TCF7L2: variants seen among roughly 807,000 people sequenced by gnomAD.
TCF7L2 encodes the protein transcription factor 7-like 2.
Under a neutral mutation model 77.9 loss-of-function variants are expected in TCF7L2, and 23 were observed. The observed-to-expected ratio is 0.30, with a 90% CI of 0.21 to 0.42. TCF7L2 has a LOEUF of 0.42. Among genes scored for constraint, TCF7L2 ranks in the 10% least tolerant of loss-of-function variants. The pLI, the probability that TCF7L2 is intolerant of heterozygous loss-of-function variation, is 1.00. For missense variants in TCF7L2, 654 were observed against 793.1 expected, an observed-to-expected ratio of 0.82 and a Z score of 2.11; for synonymous variants, 413 against 340.2, an observed-to-expected ratio of 1.21 and a Z score of -2.36.
At chr10:113,033,750 A>G (rs1410878834) in intron 4 of TCF7L2, among the ~76,000 whole-genome samples, 1 of 152,224 alleles carries the variant, frequency 6.6e-6, no homozygotes, top group Non-Finnish European at 1.5e-5. Flanking sequence ...TTTTCAAAAG[A>G]TGCAATTCCT....
In TCF7L2 at chr10:113,166,451, C is replaced by G. The variant is rs894797709; in HGVS notation, c.*479C>G. The G allele has an allele frequency of 1.7e-5, 3 of 174,230 alleles. No individual in the cohort carries two copies. Among genetic ancestry groups the G allele is most frequent in the Non-Finnish European group, 3.5e-5 (3 of 85,922 alleles). 10.8% of individuals were successfully genotyped at this position (174,230 alleles called of 1,614,324 possible). ...GGGCACCATGAATGCAGTGCCGTTA[C>G]TTTTTTTTTTTTTTTCTGTGTGAAA... On this transcript the variant is annotated 3_prime_UTR_variant, in exon 14 of 14. Coordinates refer to ENST00000627217, the MANE Select transcript of TCF7L2 (RefSeq NM_001146274.2).
chr10:113,102,047 G>A (rs1436760464), intron 5 of TCF7L2, among the ~76,000 whole-genome samples: 1 of 148,688 alleles, frequency 6.7e-6, no homozygotes, highest in Non-Finnish European at 1.5e-5. Flanking sequence ...GCAGGAGGCG[G>A]AGGTTGCAGT....
At chr10:113,014,879 C>T (rs1211942765) in intron 4 of TCF7L2, among the ~76,000 whole-genome samples, 1 of 152,086 alleles carries the variant, frequency 6.6e-6, no homozygotes, top group South Asian at 2.1e-4. Flanking sequence ...GTCTGGAATC[C>T]TTGGACATTA....
intron 3 of TCF7L2, among the ~76,000 whole-genome samples, chr10:112,953,386 C>T (rs1019660703): frequency 7.2e-5 from 11 of 152,136 alleles, no homozygotes; most frequent in African/African-American, 2.7e-4. Context: ...GCACAGTTCG[C>T]TTACTTTGTA....
chr10:113,162,989 C>T (rs1285314882), intron 13 of TCF7L2, among the ~76,000 whole-genome samples: 3 of 148,460 alleles, frequency 2.0e-5, no homozygotes, highest in Non-Finnish European at 4.5e-5. Flanking sequence ...AATGCTAAAA[C>T]TCATAGGACA....
intron 11 of TCF7L2, among the ~76,000 whole-genome samples, chr10:113,153,533 G>T (rs904111640): frequency 1.3e-5 from 2 of 152,166 alleles, no homozygotes; most frequent in Non-Finnish European, 2.9e-5. Context: ...GGTCGAGGTC[G>T]TTAAATTATT....
intron 5 of TCF7L2, among the ~76,000 whole-genome samples, chr10:113,075,797 G>C (rs535036202): frequency 6.6e-6 from 1 of 152,236 alleles, no homozygotes; most frequent in East Asian, 1.9e-4. Context: ...CAAAATCCTA[G>C]TTTTCCACTT....
chr10:113,107,751 CTAAAAAAAAAAAAA>C (rs1454188844), intron 5 of TCF7L2, among the ~76,000 whole-genome samples: 1 of 16,170 alleles, frequency 6.2e-5, no homozygotes, highest in Non-Finnish European at 1.3e-4. Context: ...GAGACTCCGT[CTAAAAAAAAAAAAA>C]AAAAAAAAAA....
At chr10:112,998,478 CAA>C (rs2043903721) in intron 4 of TCF7L2, among the ~76,000 whole-genome samples, 1 of 152,126 alleles carries the variant, frequency 6.6e-6, no homozygotes, top group Non-Finnish European at 1.5e-5. Context: ...TCTGCCGGAC[CAA>C]AGAGAAGATT....
intron 5 of TCF7L2, among the ~76,000 whole-genome samples, chr10:113,121,775 A>C (rs148194881): frequency 3.4e-5 from 5 of 149,064 alleles, no homozygotes; most frequent in Admixed American, 6.7e-5. Context: ...ACATACACAC[A>C]ACACACACAC....
intron 4 of TCF7L2, among the ~76,000 whole-genome samples, chr10:113,006,943 G>A (rs1010943443): frequency 1.3e-5 from 2 of 152,214 alleles, no homozygotes; most frequent in Non-Finnish European, 2.9e-5. Context: ...CCTCACTGAT[G>A]CACCTGCCCT....
intron 4 of TCF7L2, among the ~76,000 whole-genome samples, chr10:113,021,246 A>G (rs2133869377): frequency 6.6e-6 from 1 of 152,286 alleles, no homozygotes; most frequent in East Asian, 1.9e-4. Context: ...CATCCGGAAA[A>G]TGGGTAAAAT....
At chr10:113,010,067 G>A (rs975985893) in intron 4 of TCF7L2, among the ~76,000 whole-genome samples, 3 of 152,008 alleles carry the variant, frequency 2.0e-5, no homozygotes, top group Non-Finnish European at 4.4e-5. Flanking sequence ...TTTGGGGATT[G>A]GAGAATGGAG....
At position 112,981,203 on chromosome 10, in the gene TCF7L2, G is replaced by A. The variant is rs117992756; in HGVS notation, c.450+16579G>A. On this transcript the variant is annotated intron_variant, in intron 4 of 13. Transcript: ENST00000627217. ...TGTCTCCTCACAGAAGATACGATTTGTGAAGCTGTTTCTCTCTGAAGAATT... is the reference window on the plus strand; with the variant it reads ...TGTCTCCTCACAGAAGATACGATTTATGAAGCTGTTTCTCTCTGAAGAATT... 7.1e-3 allele frequency among the ~76,000 whole-genome samples: 1,084 copies of A among 151,956 alleles called. 13 individuals are homozygous for A. The highest frequency in any genetic ancestry group is 9.7e-3 in the Non-Finnish European group (657 of 67,998).
intron 4 of TCF7L2, among the ~76,000 whole-genome samples, chr10:113,033,198 T>A (rs1162557964): frequency 6.7e-6 from 1 of 150,018 alleles, no homozygotes; most frequent in Non-Finnish European, 1.5e-5. Context: ...CTCCTCCTCC[T>A]TCCCTTCCTC....
At chr10:113,164,561 C>T (rs1269472691) in intron 13 of TCF7L2, among the ~76,000 whole-genome samples, 1 of 150,348 alleles carries the variant, frequency 6.7e-6, no homozygotes, top group African/African-American at 2.4e-5. Context: ...CCAACCTTCT[C>T]ACTACGGGGT....
rs1463264778 is a variant in TCF7L2, at chr10:112,970,537, ATTG to A, written c.450+5916_450+5918del. 2.6e-5 allele frequency among the ~76,000 whole-genome samples: 4 copies of A among 151,790 alleles called. No individual in the cohort carries two copies. In the South Asian group the frequency reaches 8.3e-4, roughly 31 times the overall value. ...TGTTCAGTCTTGTCCGTGTCTTAAC[ATTG>A]TTAAGATTCCTGGGGTGCGTTGACA... On this transcript the variant is annotated intron_variant, in intron 4 of 13. Transcript: ENST00000627217.
chr10:113,123,420 C>T (rs1433201772), intron 5 of TCF7L2, among the ~76,000 whole-genome samples: 1 of 152,186 alleles, frequency 6.6e-6, no homozygotes, highest in Admixed American at 6.5e-5. Flanking sequence ...CTTGAAAAAT[C>T]TTTAGTCGGA....
intron 5 of TCF7L2, among the ~76,000 whole-genome samples, chr10:113,117,434 CCTCTCT>C (rs869299420): frequency 5.0e-5 from 2 of 39,760 alleles, no homozygotes; most frequent in East Asian, 7.0e-4. Flanking sequence ...TCTCTCTCTC[CCTCTCT>C]CTCTCTCTCT....
Sources: allele counts gnomAD v4.1 joint callset (sites outside exome capture counted in the v4.1 genomes callset), GRCh38; gene constraint gnomAD v4.1.1; transcripts MANE v1.5; gene names NCBI Gene and HGNC (gene_info 2026-07-23, HGNC 2026-07-21).